Variants in MAP3K7 observed in about 807,000 individuals in gnomAD.
The protein encoded by MAP3K7 is mitogen-activated protein kinase kinase kinase 7.
A neutral mutation model predicts 84.8 loss-of-function variants in MAP3K7; 21 were observed. The observed-to-expected ratio is 0.25, with a 90% CI of 0.18 to 0.36. The LOEUF is 0.36. MAP3K7 is among the 10% of genes least tolerant of loss of function. The probability of loss-of-function intolerance (pLI) is 1.00; values close to 1 mark genes in which losing one functional copy is unlikely to be tolerated. For synonymous variants in MAP3K7, 241 were observed against 247.7 expected (o/e 0.97, Z 0.25); for missense variants, 503 against 747.7 (o/e 0.67, Z 3.82).
At chr6:90,581,542 C>G (rs1247533872) in intron 1 of MAP3K7, among the ~76,000 whole-genome samples, 1 of 152,190 alleles carries the variant, frequency 6.6e-6, no homozygotes, top group Non-Finnish European at 1.5e-5. Flanking sequence ...TTTGATTATT[C>G]AAACTTTCTT....
chr6:90,576,472 G>C (rs983784309), intron 1 of MAP3K7, among the ~76,000 whole-genome samples: 16 of 123,180 alleles, frequency 1.3e-4, no homozygotes, highest in South Asian at 5.5e-4. Flanking sequence ...CACACACACA[G>C]AAGAAACAAC....
At chr6:90,547,133 G>T in intron 11 of MAP3K7, 125 bp downstream of exon 11, 3 of 990,264 alleles carry the variant, frequency 3.0e-6, no homozygotes, top group Non-Finnish European at 4.4e-6. Flanking sequence ...AAAATATATT[G>T]TAAACCTACT....
chr6:90,556,369 C>T, intron 6 of MAP3K7, 131 bp downstream of exon 6: 1 of 913,248 alleles, frequency 1.1e-6, no homozygotes, highest in Non-Finnish European at 1.6e-6. Flanking sequence ...TTAATATCCC[C>T]TTAGATTTCA....
Position 90,586,950 on chromosome 6 carries a change from C to T in MAP3K7, c.-67G>A. 1 of 1,483,114 alleles carries T rather than the reference C, an allele frequency of 6.7e-7. No homozygotes were observed. Among genetic ancestry groups the T allele is most frequent in the Non-Finnish European group, 8.9e-7 (1 of 1,124,496 alleles). The allele number at this position is 1,483,114 out of a possible 1,614,324, so 91.9% of individuals were successfully genotyped here. A position where few individuals can be genotyped will look rare whatever the true frequency, so the allele number is the denominator to read the frequency against. ...CGGACAATCCGGGTGAGACCCGCGC[C>T]CACCCGCCTCCGGACCGACCCTCAG... On this transcript the variant is annotated 5_prime_UTR_variant, in exon 1 of 17. Coordinates refer to ENST00000369329, the MANE Select transcript of MAP3K7 (RefSeq NM_145331.3).
At chr6:90,543,123 A>G (rs1005616654) in intron 12 of MAP3K7, among the ~76,000 whole-genome samples, 6 of 152,070 alleles carry the variant, frequency 3.9e-5, no homozygotes, top group African/African-American at 1.4e-4. Flanking sequence ...ACCTCTTTAA[A>G]GTACGTCCCT....
chr6:90,516,360 A>T lies in MAP3K7; in HGVS notation c.*141T>A. The T allele has an allele frequency of 1.3e-6, 1 of 791,058 alleles. No individual in the cohort carries two copies. The highest frequency in any genetic ancestry group is 1.6e-5 in the South Asian group (1 of 61,710). The allele number at this position is 791,058 out of a possible 1,614,324, so 49.0% of individuals were successfully genotyped here. A position where few individuals can be genotyped will look rare whatever the true frequency, so the allele number is the denominator to read the frequency against. On this transcript the variant is annotated 3_prime_UTR_variant, in exon 17 of 17. Coordinates refer to ENST00000369329, the MANE Select transcript of MAP3K7 (RefSeq NM_145331.3). ...CATGAGAAAAGGAAAATAAACAATG[A>T]AAAAAATGCAGCAAATATAGGCAGT...
chr6:90,546,000 G>A (rs1042117961), intron 11 of MAP3K7, among the ~76,000 whole-genome samples: 2 of 152,224 alleles, frequency 1.3e-5, no homozygotes, highest in East Asian at 3.9e-4. Flanking sequence ...TTGGAGCACA[G>A]GATAACTTTG....
intron 1 of MAP3K7, among the ~76,000 whole-genome samples, chr6:90,581,499 G>C (rs1197496552): frequency 1.3e-5 from 2 of 152,184 alleles, no homozygotes; most frequent in African/African-American, 2.4e-5. Flanking sequence ...GCCATCTGCT[G>C]ACAAGATGGA....
At chr6:90,581,555 G>C (rs1777271583) in intron 1 of MAP3K7, among the ~76,000 whole-genome samples, 1 of 152,200 alleles carries the variant, frequency 6.6e-6, no homozygotes, top group Non-Finnish European at 1.5e-5. Context: ...ACTTTCTTCT[G>C]AATGTTTCAT....
chr6:90,575,022 T>C (rs1777025850), intron 1 of MAP3K7, among the ~76,000 whole-genome samples: 1 of 152,210 alleles, frequency 6.6e-6, no homozygotes, highest in African/African-American at 2.4e-5. Context: ...AAGGTTGTAC[T>C]GACCTGAAAT....
intron 2 of MAP3K7, 61 bp from the exon 3 acceptor site, chr6:90,568,684 T>G: frequency 8.1e-7 from 1 of 1,227,392 alleles, no homozygotes. Context: ...GATTTCACAG[T>G]ATCATTAAAA....
intron 5 of MAP3K7, among the ~76,000 whole-genome samples, chr6:90,558,987 T>C (rs1776422142): frequency 6.6e-6 from 1 of 152,210 alleles, no homozygotes; most frequent in Admixed American, 6.5e-5. Flanking sequence ...ATAAGTTTGC[T>C]TTAATAATTC....
Position 90,516,103 on chromosome 6 carries a change from G to T in MAP3K7, c.*398C>A. 5.6e-6 allele frequency: 1 copy of T among 179,442 alleles called. No homozygotes were observed. The highest frequency in any genetic ancestry group is 1.2e-5 in the Non-Finnish European group (1 of 86,132). The allele number at this position is 179,442 out of a possible 1,614,324, so 11.1% of individuals were successfully genotyped here. On this transcript the variant is annotated 3_prime_UTR_variant, in exon 17 of 17. Coordinates refer to ENST00000369329, the MANE Select transcript of MAP3K7 (RefSeq NM_145331.3). The stretch of plus-strand genomic sequence containing the variant: ...AAAAATTATTAATATTTTGAGATGA[G>T]ATACAAGAATAAAGTCATTCTTGAG...
intron 13 of MAP3K7, among the ~76,000 whole-genome samples, chr6:90,535,113 T>C (rs205344): frequency 0.37 from 54,884 of 148,630 alleles, 10,294 homozygotes; most frequent in African/African-American, 0.47. Flanking sequence ...ATTTTATTTA[T>C]ATATGTGTTT....
At chr6:90,569,719 C>T (rs1402410638) in intron 2 of MAP3K7, among the ~76,000 whole-genome samples, 1 of 152,060 alleles carries the variant, frequency 6.6e-6, no homozygotes, top group African/African-American at 2.4e-5. Flanking sequence ...GCTCAAGCAA[C>T]CCATCTGCCA....
rs916069015 is a variant in MAP3K7, at chr6:90,574,729, G to T, written c.121-2922C>A. Among the ~76,000 whole-genome samples, 15 of 152,102 alleles carry T rather than the reference G, an allele frequency of 9.9e-5. 1 individual carries two copies. Among genetic ancestry groups the T allele is most frequent in the African/African-American group, 3.4e-4 (14 of 41,414 alleles). ...GTCATAAAAATTCATTTGACTATTTGTAATTCACAAGTGCCACCTAGTGAT... is the reference window on the plus strand; with the variant it reads ...GTCATAAAAATTCATTTGACTATTTTTAATTCACAAGTGCCACCTAGTGAT... On this transcript the variant is annotated intron_variant, in intron 1 of 16. Transcript: ENST00000369329.
At chr6:90,585,862 T>C (rs564745406) in intron 1 of MAP3K7, among the ~76,000 whole-genome samples, 181 of 152,350 alleles carry the variant, frequency 1.2e-3, no homozygotes, top group African/African-American at 4.1e-3. Context: ...ATGTTACTTA[T>C]GGTGAAATTC....
intron 3 of MAP3K7, among the ~76,000 whole-genome samples, chr6:90,564,267 G>C (rs1204777954): frequency 1.3e-5 from 2 of 152,164 alleles, no homozygotes; most frequent in Non-Finnish European, 1.5e-5. Flanking sequence ...GAAAGACACA[G>C]ACTGGCAAAT....
chr6:90,585,066 G>C (rs1005176716), intron 1 of MAP3K7, among the ~76,000 whole-genome samples: 2 of 152,166 alleles, frequency 1.3e-5, no homozygotes, highest in African/African-American at 4.8e-5. Flanking sequence ...GTCAGGCCCT[G>C]TGGTAGGTGT....
Sources: allele counts gnomAD v4.1 joint callset (sites outside exome capture counted in the v4.1 genomes callset), GRCh38; gene constraint gnomAD v4.1.1; transcripts MANE v1.5; gene names NCBI Gene and HGNC (gene_info 2026-07-23, HGNC 2026-07-21).